Variants in ATP2C2 observed in about 807,000 individuals in gnomAD.
ATP2C2 encodes the protein ATPase secretory pathway Ca2+ transporting 2, also known as calcium-transporting ATPase type 2C member 2.
Under a neutral mutation model 110.8 loss-of-function variants are expected in ATP2C2, and 171 were observed. The ratio of observed to expected loss-of-function variants is 1.54; its 90% CI spans 1.36 to 1.75. The LOEUF is 1.75. Among genes scored for constraint, ATP2C2 ranks in the 40% most tolerant of loss-of-function variants. The probability of loss-of-function intolerance (pLI) is 0.00; values close to 1 mark genes in which losing one functional copy is unlikely to be tolerated. For synonymous variants in ATP2C2, 804 were observed against 508.4 expected (o/e 1.58, Z -7.82); for missense variants, 1,963 against 1,235.0 (o/e 1.59, Z -8.84).
intron 20 of ATP2C2, among the ~76,000 whole-genome samples, chr16:84,453,982 C>T (rs144087849): frequency 3.6e-4 from 55 of 152,174 alleles, no homozygotes; most frequent in Middle Eastern, 6.8e-3. Flanking sequence ...GCTGGGATTG[C>T]GGTGTGCACC....
Position 84,463,774 on chromosome 16 carries a change from G to C in ATP2C2, c.*42G>C, listed in dbSNP as rs575714718. On this transcript the variant is annotated 3_prime_UTR_variant, in exon 27 of 27. Transcript: ENST00000262429. ...GCACCTTCCCTAATCATCTCGATCT[G>C]GTTGTGACTGTGGCCCCTGCCGTGT... 7.6e-4 allele frequency: 1,166 copies of C among 1,535,054 alleles called. 24 individuals carry two copies. The South Asian group carries it at 0.012, about 16-fold the overall frequency.
At chr16:84,387,343 G>A (rs1375579806) in intron 1 of ATP2C2, among the ~76,000 whole-genome samples, 1 of 152,066 alleles carries the variant, frequency 6.6e-6, no homozygotes. Flanking sequence ...CCAACATGGT[G>A]AAACCCGTCT....
intron 2 of ATP2C2, among the ~76,000 whole-genome samples, chr16:84,401,706 A>C (rs984553920): frequency 2.6e-5 from 4 of 152,192 alleles, no homozygotes; most frequent in African/African-American, 9.6e-5. Context: ...TTTTTATGAC[A>C]GTACCATGCT....
intron 2 of ATP2C2, among the ~76,000 whole-genome samples, chr16:84,402,620 C>T (rs1905406274): frequency 6.6e-6 from 1 of 152,146 alleles, no homozygotes; most frequent in Admixed American, 6.5e-5. Context: ...GGTGAACCAT[C>T]CTTGCACCCT....
intron 7 of ATP2C2, among the ~76,000 whole-genome samples, chr16:84,420,448 C>T (rs1907227801): frequency 1.3e-5 from 2 of 150,456 alleles, no homozygotes; most frequent in African/African-American, 4.9e-5. Context: ...GGGTGGGGGT[C>T]ATCTTTGATC....
At chr16:84,414,178 C>T (rs1200109648) in intron 6 of ATP2C2, among the ~76,000 whole-genome samples, 1 of 152,158 alleles carries the variant, frequency 6.6e-6, no homozygotes, top group Non-Finnish European at 1.5e-5. Flanking sequence ...GCTGAGGGAG[C>T]AACAGGTATA....
chr16:84,415,452 A>G (rs1906746260), intron 6 of ATP2C2, 31 bp from the exon 7 acceptor site: 2 of 1,569,806 alleles, frequency 1.3e-6, no homozygotes, highest in Non-Finnish European at 1.8e-6. Flanking sequence ...GTCAGCATGG[A>G]TGCTTTTGCT....
At chr16:84,388,260 G>A (rs1256672109) in intron 1 of ATP2C2, among the ~76,000 whole-genome samples, 1 of 152,138 alleles carries the variant, frequency 6.6e-6, no homozygotes, top group East Asian at 1.9e-4. Flanking sequence ...GGGAGGCAGA[G>A]GTTGCAGTGA....
At chr16:84,427,136 G>A (rs765736195) in intron 11 of ATP2C2, among the ~76,000 whole-genome samples, 48 of 152,308 alleles carry the variant, frequency 3.2e-4, no homozygotes, top group Non-Finnish European at 6.0e-4. Context: ...CGCACACGCA[G>A]CTGCTGTCTG....
chr16:84,409,977 G>A (rs892599429), intron 4 of ATP2C2, among the ~76,000 whole-genome samples: 1 of 152,064 alleles, frequency 6.6e-6, no homozygotes, highest in East Asian at 1.9e-4. Context: ...TGGGAGGCCT[G>A]GGGGGTGGAT....
At chr16:84,422,157 T>G (rs1004618245) in intron 7 of ATP2C2, among the ~76,000 whole-genome samples, 1 of 152,052 alleles carries the variant, frequency 6.6e-6, no homozygotes, top group African/African-American at 2.4e-5. Context: ...TGTATCAAAA[T>G]TTCGAACAAC....
intron 1 of ATP2C2, among the ~76,000 whole-genome samples, chr16:84,372,282 A>T (rs892926028): frequency 6.6e-6 from 1 of 152,070 alleles, no homozygotes. Context: ...AAGAGATTAC[A>T]CTCAGTTACT....
chr16:84,423,301 G>T, intron 10 of ATP2C2, 38 bp downstream of exon 10: 1 of 1,580,018 alleles, frequency 6.3e-7, no homozygotes, highest in East Asian at 2.2e-5. Context: ...TTGTTCTGCA[G>T]ATGGAGGGGA....
intron 21 of ATP2C2, among the ~76,000 whole-genome samples, chr16:84,458,356 AGGGG>A (rs1555569048): frequency 2.3e-4 from 1 of 4,374 alleles, no homozygotes; most frequent in South Asian, 0.25. Context: ...GGGTCGGGGG[AGGGG>A]GGGAGGGATA....
chr16:84,451,762 C>T (rs1290359493), intron 17 of ATP2C2, among the ~76,000 whole-genome samples, 159 bp from the exon 18 acceptor site: 1 of 152,154 alleles, frequency 6.6e-6, no homozygotes, highest in African/African-American at 2.4e-5. Flanking sequence ...GGTTTGAACC[C>T]AGGAGGCAGA....
chr16:84,384,685 A>G (rs568659104), intron 1 of ATP2C2, among the ~76,000 whole-genome samples: 1 of 152,310 alleles, frequency 6.6e-6, no homozygotes, highest in East Asian at 1.9e-4. Flanking sequence ...TGAATGGATT[A>G]CTATCACAAC....
chr16:84,397,655 C>CGAAAAAAAAAAAAAA (rs575113297), intron 1 of ATP2C2, among the ~76,000 whole-genome samples: 2 of 63,512 alleles, frequency 3.1e-5, no homozygotes, highest in Non-Finnish European at 7.1e-5. Context: ...GCCTGGGTGA[C>CGAAAAAAAAAAAAAA]AAAAAAAAAA....
rs561299201 is a variant in ATP2C2, at chr16:84,463,830, G to T, written c.*98G>T. 11 of 1,074,572 alleles carry T rather than the reference G, an allele frequency of 1.0e-5. No individual in the cohort carries two copies. Among genetic ancestry groups the T allele is most frequent in the Middle Eastern group, 2.3e-4 (1 of 4,270 alleles). 66.6% of individuals were successfully genotyped at this position (1,074,572 alleles called of 1,614,324 possible). On this transcript the variant is annotated 3_prime_UTR_variant, in exon 27 of 27. Transcript: ENST00000262429. ...CGTCAGGGGAGACTTTTAGGAGGCC[G>T]CAGCCTTCCATCACCGGATCAGTTT...
At position 84,461,761 on chromosome 16, in the gene ATP2C2, C is replaced by T; in HGVS notation, c.2529C>T (p.Phe843=). The part of the protein sequence containing the change: ...ASTPRTTTMT[F]TCFVFFDLFN... ...CTCCCCGCACCACGACGATGACGTT[C>T]ACTTGTTTTGTGTTTTTCGATCTCT... The change falls in exon 25 of 27, where the codon TTC becomes TTT. Residue 843 remains phenylalanine, a synonymous_variant. Coordinates refer to ENST00000262429, the MANE Select transcript of ATP2C2 (RefSeq NM_014861.4). The T allele has an allele frequency of 6.2e-7, 1 of 1,614,222 alleles. No individual in the cohort carries two copies. The highest frequency in any genetic ancestry group is 8.5e-7 in the Non-Finnish European group (1 of 1,180,042).
Sources: gnomAD v4.1 joint callset for allele counts (sites outside exome capture counted in the v4.1 genomes callset) on GRCh38, gnomAD v4.1.1 for gene constraint, MANE v1.5 for transcripts, NCBI Gene and HGNC (gene_info 2026-07-23, HGNC 2026-07-21) for gene names.